NR3C2: variants seen among roughly 807,000 people sequenced by gnomAD.
NR3C2 encodes nuclear receptor subfamily 3 group C member 2, also known as mineralocorticoid receptor.
A neutral mutation model predicts 86.4 loss-of-function variants in NR3C2; 15 were observed. The observed-to-expected ratio is 0.17, with a 90% CI of 0.12 to 0.27. The LOEUF is 0.27. Among genes scored for constraint, NR3C2 ranks in the 10% least tolerant of loss-of-function variants. NR3C2 has a pLI of 1.00. For synonymous variants in NR3C2, 458 were observed against 450.5 expected, an observed-to-expected ratio of 1.02 and a Z score of -0.21; for missense variants, 960 against 1,195.6, an observed-to-expected ratio of 0.80 and a Z score of 2.91.
At chr4:148,190,927 T>C (rs1736166218) in intron 4 of NR3C2, among the ~76,000 whole-genome samples, 1 of 152,252 alleles carries the variant, frequency 6.6e-6, no homozygotes, top group Admixed American at 6.5e-5. Flanking sequence ...TTATACATTC[T>C]GCGGTTCTGT....
chr4:148,168,036 G>A (rs932437076), intron 4 of NR3C2, among the ~76,000 whole-genome samples: 1 of 152,196 alleles, frequency 6.6e-6, no homozygotes, highest in Non-Finnish European at 1.5e-5. Flanking sequence ...CCTTGAGAGA[G>A]TCTGAAGAGA....
intron 8 of NR3C2, among the ~76,000 whole-genome samples, chr4:148,100,957 A>C (rs1287969623): frequency 1.3e-5 from 2 of 152,226 alleles, no homozygotes; most frequent in African/African-American, 4.8e-5. Context: ...GAAATGAGCC[A>C]GTCATAAAAA....
intron 2 of NR3C2, among the ~76,000 whole-genome samples, chr4:148,414,380 C>T (rs1748893245): frequency 1.3e-5 from 2 of 151,912 alleles, no homozygotes; most frequent in African/African-American, 2.4e-5. Flanking sequence ...AGATCTGAAC[C>T]CAATGAAAAA....
intron 4 of NR3C2, among the ~76,000 whole-genome samples, chr4:148,156,737 G>A (rs1178378995): frequency 6.6e-6 from 1 of 152,162 alleles, no homozygotes; most frequent in East Asian, 1.9e-4. Context: ...CATTGTGGAA[G>A]TCAGTGTGGC....
chr4:148,441,050 CCT>C (rs747003972), intron 1 of NR3C2, among the ~76,000 whole-genome samples: 2 of 152,116 alleles, frequency 1.3e-5, no homozygotes, highest in Non-Finnish European at 2.9e-5. Flanking sequence ...CTATTATGTT[CCT>C]CTCTTTTATA....
intron 4 of NR3C2, among the ~76,000 whole-genome samples, chr4:148,178,680 G>A (rs1374364965): frequency 6.6e-6 from 1 of 151,398 alleles, no homozygotes; most frequent in East Asian, 1.9e-4. Context: ...TGAGGAAAGG[G>A]CAAGGGGTCA....
At chr4:148,260,213 G>A (rs1740027813) in intron 2 of NR3C2, 96 bp from the exon 3 acceptor site, 30 of 1,483,086 alleles carry the variant, frequency 2.0e-5, no homozygotes, top group Middle Eastern at 1.7e-4. Flanking sequence ...ATCATGGTTC[G>A]ATACAAGAAT....
chr4:148,121,470 T>C (rs1359699135), intron 6 of NR3C2, among the ~76,000 whole-genome samples: 1 of 152,242 alleles, frequency 6.6e-6, no homozygotes, highest in Non-Finnish European at 1.5e-5. Flanking sequence ...CTTCCAAATC[T>C]ACCATCCAGA....
chr4:148,316,828 C>A lies in NR3C2; in HGVS notation c.1758-56711G>T, dbSNP rs150212719. Among the ~76,000 whole-genome samples, 244 of 152,108 alleles carry A rather than the reference C, an allele frequency of 1.6e-3. 1 individual carries two copies. The highest frequency in any genetic ancestry group is 5.4e-3 in the African/African-American group (226 of 41,484). On this transcript the variant is annotated intron_variant, in intron 2 of 8. Transcript: ENST00000358102. The stretch of plus-strand genomic sequence containing the variant: ...TTTTTTGTTTGTTTTCTGAGACAGG[C>A]TCTCGCTCTGTTGCCCAGGATGGGA...
intron 6 of NR3C2, among the ~76,000 whole-genome samples, chr4:148,134,718 G>T (rs550064227): frequency 4.2e-5 from 6 of 142,316 alleles, no homozygotes; most frequent in Non-Finnish European, 9.0e-5. Flanking sequence ...GCACAATCTC[G>T]GCTCACTGCA....
chr4:148,396,985 G>A (rs2126515123), intron 2 of NR3C2, among the ~76,000 whole-genome samples: 1 of 152,074 alleles, frequency 6.6e-6, no homozygotes, highest in South Asian at 2.1e-4. Context: ...ATAAGACTAA[G>A]TATTAAACAT....
At chr4:148,439,497 C>G (rs550627959) in intron 1 of NR3C2, among the ~76,000 whole-genome samples, 1 of 152,252 alleles carries the variant, frequency 6.6e-6, no homozygotes, top group East Asian at 1.9e-4. Flanking sequence ...CACTGGCACA[C>G]TCTGCGTCAC....
At chr4:148,131,084 G>A (rs546444250) in intron 6 of NR3C2, among the ~76,000 whole-genome samples, 3 of 152,106 alleles carry the variant, frequency 2.0e-5, no homozygotes, top group South Asian at 2.1e-4. Context: ...CGCCTGCCTC[G>A]GCCTCCCAAA....
At chr4:148,445,138 T>A (rs1164834528), upstream of NR3C2, among the ~76,000 whole-genome samples, 1 of 151,808 alleles carries the variant, frequency 6.6e-6, no homozygotes, top group East Asian at 2.0e-4. Context: ...AAAGGAAAAC[T>A]GAGCCCAAAT....
intron 3 of NR3C2, among the ~76,000 whole-genome samples, chr4:148,211,579 G>A (rs1050098091): frequency 3.9e-5 from 6 of 152,174 alleles, no homozygotes. Context: ...AATTAGAGGA[G>A]CTTATTAAAT....
intron 2 of NR3C2, among the ~76,000 whole-genome samples, chr4:148,350,863 A>C (rs1236195871): frequency 6.6e-6 from 1 of 152,188 alleles, no homozygotes; most frequent in Non-Finnish European, 1.5e-5. Context: ...TGCATAAAAT[A>C]TCCTTCTATT....
At chr4:148,361,577 C>G (rs1745839703) in intron 2 of NR3C2, among the ~76,000 whole-genome samples, 1 of 152,146 alleles carries the variant, frequency 6.6e-6, no homozygotes, top group South Asian at 2.1e-4. Flanking sequence ...TGGTTTTAAT[C>G]TCAACTCTGA....
At chr4:148,332,717 AC>A (rs1744289290) in intron 2 of NR3C2, among the ~76,000 whole-genome samples, 1 of 152,226 alleles carries the variant, frequency 6.6e-6, no homozygotes, top group Non-Finnish European at 1.5e-5. Flanking sequence ...TACTGGTGTT[AC>A]AAAGAGCACA....
chr4:148,293,242 A>C lies in NR3C2; in HGVS notation c.1758-33125T>G, dbSNP rs1449459014. Among the ~76,000 whole-genome samples, 7 of 152,160 alleles carry C rather than the reference A, an allele frequency of 4.6e-5. No homozygotes were observed. In the South Asian group the frequency reaches 1.2e-3, roughly 27 times the overall value. On this transcript the variant is annotated intron_variant, in intron 2 of 8. Transcript: ENST00000358102. The stretch of plus-strand genomic sequence containing the variant: ...CTAGATATAAGCACCCACACAGAAG[A>C]AGCTAAGTCATTTTATAACCATTCA...
Sources: gnomAD v4.1 joint callset for allele counts (sites outside exome capture counted in the v4.1 genomes callset) on GRCh38, gnomAD v4.1.1 for gene constraint, MANE v1.5 for transcripts, NCBI Gene and HGNC (gene_info 2026-07-23, HGNC 2026-07-21) for gene names.